NETO1: variants seen among roughly 807,000 people sequenced by gnomAD.
NETO1 encodes the protein neuropilin and tolloid-like protein 1.
Under a neutral mutation model 61.3 loss-of-function variants are expected in NETO1, and 26 were observed. The ratio of observed to expected loss-of-function variants is 0.42; its 90% CI spans 0.31 to 0.59. NETO1 has a LOEUF of 0.59. Among genes scored for constraint, NETO1 ranks in the 20% least tolerant of loss-of-function variants. NETO1 has a pLI of 0.12. For missense variants in NETO1, 531 were observed against 662.8 expected, an observed-to-expected ratio of 0.80 and a Z score of 2.18; for synonymous variants, 225 against 225.8, an observed-to-expected ratio of 1.00 and a Z score of 0.03.
intron 4 of NETO1, among the ~76,000 whole-genome samples, chr18:72,825,059 A>G (rs2073331691): frequency 6.6e-6 from 1 of 152,208 alleles, no homozygotes; most frequent in African/African-American, 2.4e-5. Context: ...CAAGAAAGAC[A>G]AATCCTAAAC....
chr18:72,805,821 T>C (rs2072657709), intron 4 of NETO1, among the ~76,000 whole-genome samples: 1 of 152,188 alleles, frequency 6.6e-6, no homozygotes, highest in Non-Finnish European at 1.5e-5. Flanking sequence ...CAATTTTATA[T>C]ATAAAACAGA....
chr18:72,858,084 A>C (rs1229314544), intron 4 of NETO1, among the ~76,000 whole-genome samples: 1 of 152,184 alleles, frequency 6.6e-6, no homozygotes, highest in Non-Finnish European at 1.5e-5. Context: ...ATGTAATTTG[A>C]ATCATTTTTC....
At position 72,823,546 on chromosome 18, in the gene NETO1, C is replaced by T. The variant is rs531476670; in HGVS notation, c.470-29142G>A. On this transcript the variant is annotated intron_variant, in intron 4 of 10. Transcript: ENST00000327305. ...CGTTCAACAAAGGGACATCAGTGAA[C>T]CCCGAGTGGCCGCGGCCGTGTGAGA... is the stretch of plus-strand genomic sequence containing the variant. 1.2e-4 allele frequency among the ~76,000 whole-genome samples: 18 copies of T among 152,120 alleles called. No homozygotes were observed. The South Asian group carries it at 3.5e-3, about 30-fold the overall frequency.
chr18:72,845,317 C>T (rs2145519743), intron 4 of NETO1, among the ~76,000 whole-genome samples: 1 of 152,314 alleles, frequency 6.6e-6, no homozygotes. Flanking sequence ...ATTGCTGCTT[C>T]TCAAAGTCAT....
intron 7 of NETO1, among the ~76,000 whole-genome samples, chr18:72,758,385 TTG>T (rs71166416): frequency 0.19 from 26,446 of 142,712 alleles, 2,964 homozygotes; most frequent in African/African-American, 0.32. Flanking sequence ...TTTTTTTTCT[TTG>T]TGTGTGTGTG....
intron 4 of NETO1, chr18:72,834,150 T>C (rs1346758398): frequency 1.3e-6 from 1 of 788,174 alleles, no homozygotes; most frequent in African/African-American, 1.9e-5. Context: ...GACAATATTT[T>C]TGTTTAAAAA....
chr18:72,800,906 G>T (rs2072484163), intron 4 of NETO1, among the ~76,000 whole-genome samples: 1 of 152,098 alleles, frequency 6.6e-6, no homozygotes, highest in Non-Finnish European at 1.5e-5. Context: ...CAATCCACAG[G>T]TTCTCACAGT....
chr18:72,817,075 C>T (rs1371489057), intron 4 of NETO1, among the ~76,000 whole-genome samples: 2 of 152,190 alleles, frequency 1.3e-5, no homozygotes, highest in African/African-American at 4.8e-5. Context: ...ATAGGGATGA[C>T]AGTTTCCCAT....
chr18:72,835,218 T>C, intron 4 of NETO1: 2 of 1,454,938 alleles, frequency 1.4e-6, no homozygotes, highest in Non-Finnish European at 9.3e-7. Context: ...AAGATGGTGT[T>C]AGATCAACGT....
chr18:72,849,336 T>A (rs2074182686), intron 4 of NETO1, among the ~76,000 whole-genome samples: 1 of 152,214 alleles, frequency 6.6e-6, no homozygotes, highest in South Asian at 2.1e-4. Context: ...ACATATTCCA[T>A]TTTCTGTTGA....
At chr18:72,834,567 T>G in intron 4 of NETO1, 1 of 979,580 alleles carries the variant, frequency 1.0e-6, no homozygotes, top group Non-Finnish European at 1.2e-6. Context: ...CATGTAGTAA[T>G]CTATTTCACA....
intron 4 of NETO1, among the ~76,000 whole-genome samples, chr18:72,825,411 T>C (rs1156730747): frequency 6.6e-6 from 1 of 152,200 alleles, no homozygotes; most frequent in Non-Finnish European, 1.5e-5. Flanking sequence ...ACTGTACTCA[T>C]ATATTGTAAT....
intron 4 of NETO1, among the ~76,000 whole-genome samples, chr18:72,812,587 A>C (rs2072903101): frequency 6.6e-6 from 1 of 152,104 alleles, no homozygotes. Flanking sequence ...GACCTTTATT[A>C]CTTTTTTTAT....
chr18:72,833,388 T>C (rs2073642451), intron 4 of NETO1, among the ~76,000 whole-genome samples: 1 of 152,166 alleles, frequency 6.6e-6, no homozygotes, highest in African/African-American at 2.4e-5. Flanking sequence ...TCTGATATCA[T>C]CCTATTTTCT....
At chr18:72,786,481 T>C (rs2071922724) in intron 6 of NETO1, among the ~76,000 whole-genome samples, 1 of 152,182 alleles carries the variant, frequency 6.6e-6, no homozygotes, top group Admixed American at 6.5e-5. Flanking sequence ...ACATGAGCAA[T>C]TTGTAGCACT....
intron 8 of NETO1, chr18:72,752,132 C>G (rs1179208584): frequency 6.6e-6 from 1 of 152,134 alleles, no homozygotes; most frequent in African/African-American, 2.4e-5. Flanking sequence ...CTTAGAACAT[C>G]TAGAAGTTTA....
chr18:72,837,721 A>G (rs1271206624), intron 4 of NETO1, among the ~76,000 whole-genome samples: 1 of 152,204 alleles, frequency 6.6e-6, no homozygotes, highest in Non-Finnish European at 1.5e-5. Context: ...TGCTCTGGCT[A>G]ATGTAGAATT....
intron 8 of NETO1, among the ~76,000 whole-genome samples, chr18:72,751,077 A>ACACACACACACACACACACACAC (rs60112090): frequency 5.3e-5 from 8 of 150,706 alleles, no homozygotes; most frequent in East Asian, 1.9e-4. Flanking sequence ...ACACACACAC[A>ACACACACACACACACACACACAC]ATCTATCTAT....
At chr18:72,834,899 A>T (rs141310105) in intron 4 of NETO1, 1 of 784,238 alleles carries the variant, frequency 1.3e-6, no homozygotes, top group East Asian at 1.3e-4. Context: ...AGATTATATA[A>T]TTATAATCTT....
Sources: gnomAD v4.1 joint callset for allele counts (sites outside exome capture counted in the v4.1 genomes callset) on GRCh38, gnomAD v4.1.1 for gene constraint, MANE v1.5 for transcripts, NCBI Gene and HGNC (gene_info 2026-07-23, HGNC 2026-07-21) for gene names.